OSBPL10: variants seen among roughly 807,000 people sequenced by gnomAD.
The protein encoded by OSBPL10 is oxysterol-binding protein-related protein 10.
In OSBPL10, 49 loss-of-function variants were observed where a neutral mutation model predicts 81.7. The ratio of observed to expected loss-of-function variants is 0.60; its 90% CI spans 0.48 to 0.76. The LOEUF (loss-of-function observed/expected upper bound fraction) is 0.76. Ranked by LOEUF, OSBPL10 falls within the 30% of genes least tolerant of loss-of-function variation. The pLI is 0.00. For synonymous variants in OSBPL10, 419 were observed against 383.6 expected (o/e 1.09, Z -1.08); for missense variants, 923 against 987.8 (o/e 0.93, Z 0.88).
At chr3:31,714,067 A>G (rs1696352071) in intron 6 of OSBPL10, 1 of 152,188 alleles carries the variant, frequency 6.6e-6, no homozygotes, top group South Asian at 2.1e-4. Context: ...CTAGGAGATG[A>G]ATGGTTGGTT....
chr3:31,718,754 G>A (rs887637412), intron 6 of OSBPL10: 1 of 152,038 alleles, frequency 6.6e-6, no homozygotes, highest in Non-Finnish European at 1.5e-5. Flanking sequence ...AGGAACAAAC[G>A]AATTGTTTTT....
Position 31,797,681 on chromosome 3 carries a change from A to G in OSBPL10, c.729+32359T>C, listed in dbSNP as rs1699265880. 1.5e-5 allele frequency: 6 copies of G among 392,978 alleles called. No individual in the cohort carries two copies. In the Admixed American group the frequency reaches 1.7e-4, roughly 11 times the overall value. The allele number at this position is 392,978 out of a possible 1,614,324, so 24.3% of individuals were successfully genotyped here. ...CACATAAAAGAGGGTACATTAAAAT[A>G]CACACACAGTTTTTTTATATGTACC... On this transcript the variant is annotated intron_variant, in intron 4 of 11. Coordinates refer to ENST00000396556, the MANE Select transcript of OSBPL10 (RefSeq NM_017784.5).
intron 4 of OSBPL10, among the ~76,000 whole-genome samples, chr3:31,812,771 A>AACTTCTCC (rs1699728386): frequency 2.0e-5 from 1 of 49,902 alleles, no homozygotes; most frequent in African/African-American, 9.4e-5. Context: ...AGAAAGAAAG[A>AACTTCTCC]AAGAAAGAAA....
At chr3:31,858,149 C>T (rs932102439) in intron 3 of OSBPL10, among the ~76,000 whole-genome samples, 2 of 151,642 alleles carry the variant, frequency 1.3e-5, no homozygotes, top group Non-Finnish European at 2.9e-5. Flanking sequence ...TACAGGAGCA[C>T]GCCACCACAC....
intron 3 of OSBPL10, among the ~76,000 whole-genome samples, chr3:31,842,640 G>C (rs1200877173): frequency 6.6e-6 from 1 of 152,204 alleles, no homozygotes; most frequent in Non-Finnish European, 1.5e-5. Context: ...TAGTACATGA[G>C]AGTTTTTTTC....
At chr3:31,939,144 C>T (rs61035544) in intron 1 of OSBPL10, among the ~76,000 whole-genome samples, 11,098 of 65,278 alleles carry the variant, frequency 0.17, 1,106 homozygotes, top group African/African-American at 0.29. Context: ...CTCTCTCATC[C>T]TTTTTTTTTT....
At chr3:31,673,731 T>G (rs1700383550) in intron 8 of OSBPL10, among the ~76,000 whole-genome samples, 1 of 152,154 alleles carries the variant, frequency 6.6e-6, no homozygotes, top group Non-Finnish European at 1.5e-5. Context: ...GTGCTTTGAA[T>G]TTTGGTCTTT....
chr3:32,003,201 C>T (rs1053341599), intron 2 of OSBPL10, among the ~76,000 whole-genome samples: 4 of 152,218 alleles, frequency 2.6e-5, no homozygotes, highest in Admixed American at 1.3e-4. Flanking sequence ...GTAACACTTA[C>T]ATCAGAACTT....
rs770898596 is a variant in OSBPL10 at position 31,989,135 on chromosome 3, T to C, written n.298+57356A>G. On this transcript the variant is annotated intron_variant and non_coding_transcript_variant, in intron 2 of 3. Transcript: ENST00000479173. The stretch of plus-strand genomic sequence containing the variant: ...AAAGAAAAGGAGCCAGGCATGGCTC[T>C]TCCTCAGGGACACTTGACTTTTAGG... 4 of 1,614,064 alleles carry C rather than the reference T, an allele frequency of 2.5e-6. No homozygotes were observed. In the African/African-American group the frequency reaches 5.3e-5, roughly 22 times the overall value.
chr3:31,838,270 G>A (rs1249927396), intron 3 of OSBPL10, among the ~76,000 whole-genome samples: 2 of 152,092 alleles, frequency 1.3e-5, no homozygotes, highest in African/African-American at 2.4e-5. Flanking sequence ...CAGCACTTTG[G>A]GAGGCTGAGG....
chr3:32,067,148 AT>A (rs1699786765), intron 1 of OSBPL10, among the ~76,000 whole-genome samples: 1 of 152,190 alleles, frequency 6.6e-6, no homozygotes, highest in African/African-American at 2.4e-5. Flanking sequence ...TAAAAAAAAA[AT>A]CTTCAGATGA....
At chr3:31,706,391 C>A (rs974060644) in intron 6 of OSBPL10, among the ~76,000 whole-genome samples, 2 of 152,184 alleles carry the variant, frequency 1.3e-5, no homozygotes, top group Non-Finnish European at 2.9e-5. Flanking sequence ...TTAGAAGGGT[C>A]TCTGCCCCTT....
chr3:31,767,021 C>G (rs1375719623), intron 4 of OSBPL10, among the ~76,000 whole-genome samples: 1 of 152,218 alleles, frequency 6.6e-6, no homozygotes, highest in Non-Finnish European at 1.5e-5. Context: ...CCACAGTCCT[C>G]TCTAAGCTTA....
chr3:31,752,000 TG>T (rs1559449000), intron 4 of OSBPL10, among the ~76,000 whole-genome samples: 1 of 152,206 alleles, frequency 6.6e-6, no homozygotes, highest in Admixed American at 6.5e-5. Context: ...GTTTTAGCTA[TG>T]TCCATCTCTC....
At chr3:31,811,169 G>A (rs1199276149) in intron 4 of OSBPL10, among the ~76,000 whole-genome samples, 1 of 151,962 alleles carries the variant, frequency 6.6e-6, no homozygotes, top group Non-Finnish European at 1.5e-5. Flanking sequence ...TGGCAGTGCA[G>A]GATCACTGCA....
chr3:31,828,732 C>G (rs772773159), intron 4 of OSBPL10, among the ~76,000 whole-genome samples: 5 of 152,136 alleles, frequency 3.3e-5, no homozygotes, highest in Admixed American at 1.3e-4. Context: ...GGAGTTTCAC[C>G]ATGTTGGCCA....
At chr3:31,975,870 A>G (rs1356128694) in intron 1 of OSBPL10, among the ~76,000 whole-genome samples, 7 of 152,216 alleles carry the variant, frequency 4.6e-5, no homozygotes, top group Admixed American at 4.6e-4. Context: ...CACTGGAGAT[A>G]ACAGCAGCAA....
chr3:31,966,153 ATGTG>A (rs59737552), intron 1 of OSBPL10, among the ~76,000 whole-genome samples: 3,252 of 134,830 alleles, frequency 0.024, 67 homozygotes, highest in African/African-American at 0.063. Flanking sequence ...CAACAAAATT[ATGTG>A]TGTGTGTGTG....
At chr3:32,028,455 C>A (rs1699436482) in intron 2 of OSBPL10, among the ~76,000 whole-genome samples, 1 of 152,176 alleles carries the variant, frequency 6.6e-6, no homozygotes, top group Non-Finnish European at 1.5e-5. Context: ...TTACTTCAAC[C>A]TTTAAATCCC....
Sources: gnomAD v4.1 joint callset for allele counts (sites outside exome capture counted in the v4.1 genomes callset) on GRCh38, gnomAD v4.1.1 for gene constraint, MANE v1.5 for transcripts, NCBI Gene and HGNC (gene_info 2026-07-23, HGNC 2026-07-21) for gene names.